The following NRXN3 variants were observed in gnomAD, a reference collection of about 807,000 sequenced individuals.
NRXN3 encodes the protein neurexin 3, also known as neurexin III.
A neutral mutation model predicts 137.6 loss-of-function variants in NRXN3; 32 were observed. That is an observed-to-expected ratio of 0.23 (90% CI 0.18 to 0.31). The LOEUF (loss-of-function observed/expected upper bound fraction) is 0.31, where lower values mean the gene tolerates loss of function less well. NRXN3 is among the 10% of genes least tolerant of loss of function. NRXN3 has a pLI of 1.00. For missense variants in NRXN3, 1,574 were observed against 2,062.5 expected (o/e 0.76, Z 4.59); for synonymous variants, 798 against 784.5 (o/e 1.02, Z -0.29).
chr14:79,273,065 G>T (rs183083760), intron 15 of NRXN3, among the ~76,000 whole-genome samples: 4 of 151,424 alleles, frequency 2.6e-5, no homozygotes, highest in African/African-American at 9.7e-5. Context: ...CCCGCTACTC[G>T]GGAGGATGAA....
intron 15 of NRXN3, among the ~76,000 whole-genome samples, chr14:79,227,802 CT>C (rs2071309027): frequency 6.9e-6 from 1 of 144,366 alleles, no homozygotes; most frequent in Non-Finnish European, 1.5e-5. Context: ...CCCTTCCTCC[CT>C]TCCTCCCTCC....
chr14:79,790,866 G>A (rs958103954), intron 19 of NRXN3, among the ~76,000 whole-genome samples: 5 of 151,758 alleles, frequency 3.3e-5, no homozygotes, highest in Non-Finnish European at 5.9e-5. Context: ...TGATCCACCC[G>A]CCTTGGCCTC....
intron 15 of NRXN3, among the ~76,000 whole-genome samples, chr14:79,203,292 C>A (rs2066321392): frequency 6.6e-6 from 1 of 152,126 alleles, no homozygotes; most frequent in Non-Finnish European, 1.5e-5. Flanking sequence ...CTTTGCAAAA[C>A]TTGCCTATTC....
intron 15 of NRXN3, among the ~76,000 whole-genome samples, chr14:79,302,114 C>T (rs1293371912): frequency 3.9e-5 from 6 of 151,994 alleles, no homozygotes; most frequent in Non-Finnish European, 8.8e-5. Context: ...TCTAACACCT[C>T]ACATCCTGTG....
chr14:79,468,986 CACTTTATCTTT>C (rs1394716182), intron 16 of NRXN3, among the ~76,000 whole-genome samples: 1 of 152,208 alleles, frequency 6.6e-6, no homozygotes, highest in Non-Finnish European at 1.5e-5. Flanking sequence ...ATACTTACTA[CACTTTATCTTT>C]ATTTGGCCTC....
At chr14:78,370,386 C>G (rs2086640187) in intron 4 of NRXN3, among the ~76,000 whole-genome samples, 1 of 151,368 alleles carries the variant, frequency 6.6e-6, no homozygotes, top group Admixed American at 6.6e-5. Context: ...GTAGATGCCT[C>G]TTCATCCTTC....
chr14:78,654,882 T>C (rs1356201785), intron 6 of NRXN3, among the ~76,000 whole-genome samples: 1 of 152,214 alleles, frequency 6.6e-6, no homozygotes, highest in African/African-American at 2.4e-5. Context: ...TTAGGTACTA[T>C]TGACCACTTG....
intron 20 of NRXN3, among the ~76,000 whole-genome samples, chr14:79,807,164 C>A (rs937971524): frequency 6.6e-6 from 1 of 150,928 alleles, no homozygotes; most frequent in Admixed American, 6.6e-5. Flanking sequence ...TGTACAAATG[C>A]GGTTCTCACC....
chr14:78,781,444 C>T (rs1337861737), intron 8 of NRXN3, among the ~76,000 whole-genome samples: 1 of 152,124 alleles, frequency 6.6e-6, no homozygotes, highest in African/African-American at 2.4e-5. Flanking sequence ...ATTATTTCTA[C>T]TTGTTCGAAT....
At chr14:79,558,175 C>A (rs1295039145) in intron 16 of NRXN3, among the ~76,000 whole-genome samples, 1 of 152,078 alleles carries the variant, frequency 6.6e-6, no homozygotes, top group Non-Finnish European at 1.5e-5. Context: ...AGCCTTGAAC[C>A]CCTGAAACTC....
At chr14:78,893,660 C>T (rs1399973001) in intron 10 of NRXN3, among the ~76,000 whole-genome samples, 2 of 151,938 alleles carry the variant, frequency 1.3e-5, no homozygotes, top group South Asian at 4.1e-4. Flanking sequence ...GAGCATGTCT[C>T]ATCTAACACT....
intron 4 of NRXN3, among the ~76,000 whole-genome samples, chr14:78,504,855 A>C (rs996117429): frequency 6.6e-6 from 1 of 152,130 alleles, no homozygotes; most frequent in Admixed American, 6.5e-5. Flanking sequence ...GAAGATGTCT[A>C]AAGATAGACC....
chr14:78,217,440 C>A (rs958070218), intron 1 of NRXN3, among the ~76,000 whole-genome samples: 3 of 152,120 alleles, frequency 2.0e-5, no homozygotes, highest in African/African-American at 7.2e-5. Context: ...TGTTGCCAAT[C>A]ATCCAGCAAT....
chr14:78,612,271 T>G (rs2097306829), intron 4 of NRXN3, among the ~76,000 whole-genome samples: 1 of 152,232 alleles, frequency 6.6e-6, no homozygotes. Flanking sequence ...TGAGATCAAG[T>G]TTCTTAGTTC....
At chr14:78,863,168 C>A (rs945917450) in intron 10 of NRXN3, among the ~76,000 whole-genome samples, 8 of 152,234 alleles carry the variant, frequency 5.3e-5, no homozygotes, top group South Asian at 4.1e-4. Context: ...GGCTACAATA[C>A]AACATCCTCA....
At chr14:78,530,743 C>T (rs1455718709) in intron 4 of NRXN3, among the ~76,000 whole-genome samples, 1 of 152,208 alleles carries the variant, frequency 6.6e-6, no homozygotes, top group African/African-American at 2.4e-5. Context: ...GTGGAACATA[C>T]ACATTCATGG....
At chr14:78,749,404 C>A (rs1190047456) in intron 8 of NRXN3, among the ~76,000 whole-genome samples, 1 of 152,164 alleles carries the variant, frequency 6.6e-6, no homozygotes, top group Non-Finnish European at 1.5e-5. Context: ...GATCCAAGGT[C>A]TCAGATTTAT....
intron 15 of NRXN3, among the ~76,000 whole-genome samples, chr14:79,256,213 G>A (rs1219608048): frequency 2.0e-5 from 3 of 150,956 alleles, no homozygotes; most frequent in Non-Finnish European, 4.4e-5. Flanking sequence ...ACACCCCCCA[G>A]AAGAGCATTT....
intron 10 of NRXN3, among the ~76,000 whole-genome samples, chr14:78,834,797 G>A (rs1009103788): frequency 6.6e-6 from 1 of 152,174 alleles, no homozygotes; most frequent in African/African-American, 2.4e-5. Context: ...GCAAGCTTTG[G>A]AAGGTTAAGG....
Sources: gnomAD v4.1 joint callset for allele counts (sites outside exome capture counted in the v4.1 genomes callset) on GRCh38, gnomAD v4.1.1 for gene constraint, MANE v1.5 for transcripts, NCBI Gene and HGNC (gene_info 2026-07-23, HGNC 2026-07-21) for gene names.